The following NAA11 variants were observed in gnomAD, a reference collection of about 807,000 sequenced individuals.
NAA11 encodes N-alpha-acetyltransferase 11, NatA catalytic subunit.
A neutral mutation model predicts 16.1 loss-of-function variants in NAA11; 15 were observed. That is an observed-to-expected ratio of 0.93 (90% confidence interval 0.62 to 1.44). The LOEUF (loss-of-function observed/expected upper bound fraction) is 1.44. Among genes scored for constraint, NAA11 ranks in the 40% most tolerant of loss-of-function variants. The pLI, the probability that NAA11 is intolerant of heterozygous loss-of-function variation, is 0.00. For synonymous variants in NAA11, 122 were observed against 112.4 expected, an observed-to-expected ratio of 1.09 and a Z score of -0.54; for missense variants, 298 against 291.3, an observed-to-expected ratio of 1.02 and a Z score of -0.17.
In NAA11 at chr4:79,325,826, T is replaced by A. The variant is rs1724260085; in HGVS notation, c.52A>T (p.Asn18Tyr). Residue 18 changes from asparagine (N) to tyrosine (Y), a missense_variant, in exon 1 of 2, where the codon AAC (asparagine) becomes TAC (tyrosine). Physicochemically the swap from Asn to Tyr is moderately radical, Grantham distance 143. Coordinates refer to ENST00000286794, the MANE Select transcript of NAA11 (RefSeq NM_032693.3). ...PDDLMNMQHC[N>Y]LLCLPENYQM... ...TAGTTCTCAGGAAGGCAAAGGAGGT[T>A]GCAGTGTTGCATATTCATCAGGTCG... The A allele has an allele frequency of 6.2e-7, 1 of 1,613,928 alleles. No homozygotes were observed. The highest frequency in any genetic ancestry group is 1.3e-5 in the African/African-American group (1 of 74,938).
chr4:79,172,111 C>A, the NAA11 span, among the ~76,000 whole-genome samples: 1 of 152,034 alleles, frequency 6.6e-6, no homozygotes, highest in Non-Finnish European at 1.5e-5. Flanking sequence ...GTCTATTTTG[C>A]TATAAGTTTA....
At chr4:79,157,922 G>C in the NAA11 span, among the ~76,000 whole-genome samples, 1 of 130,946 alleles carries the variant, frequency 7.6e-6, no homozygotes, top group Non-Finnish European at 1.6e-5. Flanking sequence ...TTTTTTTTGA[G>C]ACGGAGTCTT....
At chr4:79,171,713 G>A in the NAA11 span, among the ~76,000 whole-genome samples, 15 of 152,198 alleles carry the variant, frequency 9.9e-5, no homozygotes, top group African/African-American at 2.6e-4. Flanking sequence ...AAATGTTACC[G>A]TGGATTATTT....
At chr4:79,278,710 ATC>A (rs1722721981) in intron 2 of NAA11, among the ~76,000 whole-genome samples, 1 of 152,094 alleles carries the variant, frequency 6.6e-6, no homozygotes, top group Admixed American at 6.6e-5. Context: ...TTTTTAGTTT[ATC>A]TGTTTGAGGT....
intron 2 of NAA11, among the ~76,000 whole-genome samples, chr4:79,234,289 T>G (rs1425000636): frequency 2.0e-5 from 3 of 152,142 alleles, no homozygotes; most frequent in Non-Finnish European, 4.4e-5. Context: ...TTGAGTAAAG[T>G]TTCAGTCTTG....
At chr4:79,229,095 A>G (rs980213150) in intron 2 of NAA11, among the ~76,000 whole-genome samples, 2 of 151,926 alleles carry the variant, frequency 1.3e-5, no homozygotes, top group Non-Finnish European at 2.9e-5. Flanking sequence ...ACATTTTCTT[A>G]TATAAATTGC....
At chr4:79,312,781 C>T (rs546615771), downstream of NAA11, among the ~76,000 whole-genome samples, 17 of 152,066 alleles carry the variant, frequency 1.1e-4, no homozygotes, top group South Asian at 2.1e-4. Context: ...TGAGGCACCA[C>T]GCCCAGCCAG....
At chr4:79,321,397 C>T (rs1308228328) in intron 1 of NAA11, among the ~76,000 whole-genome samples, 1 of 152,118 alleles carries the variant, frequency 6.6e-6, no homozygotes, top group Non-Finnish European at 1.5e-5. Context: ...CTTTTAAAAC[C>T]TTTATTAACC....
chr4:79,239,901 G>C (rs1198272252), intron 2 of NAA11, among the ~76,000 whole-genome samples: 1 of 152,156 alleles, frequency 6.6e-6, no homozygotes, highest in Non-Finnish European at 1.5e-5. Flanking sequence ...AAGTGGCCAT[G>C]ATGTCAGTGA....
chr4:79,280,475 T>C (rs1163680536), intron 2 of NAA11, among the ~76,000 whole-genome samples: 1 of 151,646 alleles, frequency 6.6e-6, no homozygotes. Flanking sequence ...TTTTAGTTCC[T>C]ATAACTTAGG....
At chr4:79,195,146 A>T in the NAA11 span, among the ~76,000 whole-genome samples, 4 of 152,126 alleles carry the variant, frequency 2.6e-5, no homozygotes, top group Non-Finnish European at 5.9e-5. Flanking sequence ...GAGAGATGAA[A>T]TAATGTTAAT....
chr4:79,306,015 CAACT>C (rs958919299), intron 1 of NAA11, among the ~76,000 whole-genome samples: 16 of 152,122 alleles, frequency 1.1e-4, no homozygotes, highest in South Asian at 2.1e-4. Context: ...AGCCCTGTTC[CAACT>C]AACTATCTGA....
chr4:79,325,326 T>C lies in NAA11; in HGVS notation c.552A>G (p.Thr184=). 6.2e-7 allele frequency: 1 copy of C among 1,613,972 alleles called. No homozygotes were observed. The highest frequency in any genetic ancestry group is 8.5e-7 in the Non-Finnish European group (1 of 1,179,878). ...GACAGGCCTCTTCAGAATCAGAAAG[T>C]GTGCTGCCCTGGGTCTCCTGGTTCT... ...SRENQETQGS[T]LSDSEEACQQ... Residue 184 remains threonine, a synonymous_variant, in exon 1 of 2, where the codon ACA becomes ACG. Transcript: ENST00000286794.
chr4:79,232,270 T>A (rs1048878500), intron 2 of NAA11, among the ~76,000 whole-genome samples: 16 of 151,760 alleles, frequency 1.1e-4, no homozygotes, highest in African/African-American at 3.9e-4. Context: ...ATAATAAAAG[T>A]TTTTTTTAAA....
chr4:79,265,512 T>G (rs1033345071), intron 2 of NAA11, among the ~76,000 whole-genome samples: 1 of 152,174 alleles, frequency 6.6e-6, no homozygotes, highest in African/African-American at 2.4e-5. Context: ...TATTGCACTT[T>G]CTTTAGCTTA....
chr4:79,326,017 C>A lies in NAA11; in HGVS notation c.-140G>T. On this transcript the variant is annotated 5_prime_UTR_variant, in exon 1 of 2. Transcript: ENST00000286794. ...GCTGAATCGTGTGGAGGGCGGATGG[C>A]GGGAAGGCGGAAGGAGCAGGAGATG... 1.5e-6 allele frequency: 1 copy of A among 689,024 alleles called. No individual in the cohort carries two copies. Among genetic ancestry groups the A allele is most frequent in the Non-Finnish European group, 2.5e-6 (1 of 406,476 alleles). The allele number at this position is 689,024 out of a possible 1,614,324, so 42.7% of individuals were successfully genotyped here.
At chr4:79,280,770 T>A (rs774219920) in intron 2 of NAA11, among the ~76,000 whole-genome samples, 1 of 152,012 alleles carries the variant, frequency 6.6e-6, no homozygotes, top group Non-Finnish European at 1.5e-5. Flanking sequence ...TTAATTAATA[T>A]TAACAGAAAT....
intron 2 of NAA11, among the ~76,000 whole-genome samples, chr4:79,280,636 C>T (rs1722764972): frequency 6.6e-6 from 1 of 151,282 alleles, no homozygotes. Context: ...GTTTCTGTTT[C>T]TTGTGCCTGG....
chr4:79,207,855 A>G, the NAA11 span, among the ~76,000 whole-genome samples: 1 of 152,168 alleles, frequency 6.6e-6, no homozygotes, highest in African/African-American at 2.4e-5. Flanking sequence ...ACAAAAAAGT[A>G]GGACTGTCTT....
Sources: allele counts gnomAD v4.1 joint callset (sites outside exome capture counted in the v4.1 genomes callset), GRCh38; gene constraint gnomAD v4.1.1; transcripts MANE v1.5; gene names NCBI Gene and HGNC (gene_info 2026-07-23, HGNC 2026-07-21).